METTL5: variants seen among roughly 807,000 people sequenced by gnomAD.
The protein encoded by METTL5 is rRNA N(6)-adenosine-methyltransferase METTL5.
Under a neutral mutation model 26.5 loss-of-function variants are expected in METTL5, and 28 were observed. The ratio of observed to expected loss-of-function variants is 1.06; its 90% CI spans 0.78 to 1.45. The LOEUF (loss-of-function observed/expected upper bound fraction) is 1.45, where lower values mean the gene tolerates loss of function less well. Ranked by LOEUF, METTL5 falls within the 40% of genes most tolerant of loss-of-function variation. The pLI is 0.00. For missense variants in METTL5, 231 were observed against 249.9 expected (o/e 0.92, Z 0.51); for synonymous variants, 86 against 82.6 (o/e 1.04, Z -0.22).
chr2:169,812,658 T>G, intron 5 of METTL5, 152 bp from the exon 6 acceptor site: 1 of 759,444 alleles, frequency 1.3e-6, no homozygotes, highest in Non-Finnish European at 2.0e-6. Flanking sequence ...TAGTGACTTC[T>G]GTATTCCTAG....
chr2:169,824,818 C>A lies in METTL5; in HGVS notation c.-221G>T. On this transcript the variant is annotated 5_prime_UTR_variant, in exon 1 of 7. Transcript: ENST00000260953. ...CCCAAGCCGCCCCAGGAGACGGCGG[C>A]GGCGCACTGCTGGAGCAGCCTCAGG... The A allele has an allele frequency of 2.2e-6, 1 of 459,124 alleles. No individual in the cohort carries two copies. The highest frequency in any genetic ancestry group is 3.7e-5 in the East Asian group (1 of 26,840). 28.4% of individuals were successfully genotyped at this position (459,124 alleles called of 1,614,324 possible). A position where few individuals can be genotyped will look rare whatever the true frequency, so the allele number is the denominator to read the frequency against.
intron 3 of METTL5, among the ~76,000 whole-genome samples, chr2:169,820,027 A>G (rs1426935485): frequency 6.6e-6 from 1 of 151,120 alleles, no homozygotes; most frequent in Non-Finnish European, 1.5e-5. Flanking sequence ...GCATGATCTC[A>G]GCTCACCGCA....
intron 6 of METTL5, 167 bp from the exon 7 acceptor site, chr2:169,812,025 A>T: frequency 1.3e-6 from 1 of 747,040 alleles, no homozygotes; most frequent in African/African-American, 1.8e-5. Context: ...ATTAGTACAA[A>T]CTAACTAATA....
chr2:169,815,581 A>T (rs2081495653), intron 4 of METTL5, 53 bp from the exon 5 acceptor site: 1 of 1,390,990 alleles, frequency 7.2e-7, no homozygotes. Context: ...ATGATTTTTT[A>T]AAATTGCTTT....
At chr2:169,821,844 C>CT (rs1327675453) in intron 2 of METTL5, 99 bp downstream of exon 2, 9 of 1,087,204 alleles carry the variant, frequency 8.3e-6, no homozygotes, top group African/African-American at 4.7e-5. Flanking sequence ...CTCCCTATAT[C>CT]TCATTCTGTG....
intron 3 of METTL5, 28 bp from the exon 4 acceptor site, chr2:169,819,671 T>C (rs1387854679): frequency 2.7e-6 from 4 of 1,486,048 alleles, no homozygotes; most frequent in Admixed American, 1.8e-5. Context: ...AAAGCTCCTA[T>C]TTACCTCTTC....
chr2:169,824,744 C>T lies in METTL5; in HGVS notation c.-147G>A. 6.3e-6 allele frequency: 4 copies of T among 631,502 alleles called. No individual in the cohort carries two copies. Among genetic ancestry groups the T allele is most frequent in the Non-Finnish European group, 1.1e-5 (4 of 360,344 alleles). 39.1% of individuals were successfully genotyped at this position (631,502 alleles called of 1,614,324 possible). A position where few individuals can be genotyped will look rare whatever the true frequency, so the allele number is the denominator to read the frequency against. Reference sequence around the variant, plus strand: ...GACCCGAAGACGCGCCCTAAGGAGACGCCCGGACGCAGGGCACGGGGCGAG... The same window carrying T: ...GACCCGAAGACGCGCCCTAAGGAGATGCCCGGACGCAGGGCACGGGGCGAG... On this transcript the variant is annotated 5_prime_UTR_variant, in exon 1 of 7. Coordinates refer to ENST00000260953, the MANE Select transcript of METTL5 (RefSeq NM_014168.4).
chr2:169,821,397 A>G (rs2081583134), intron 2 of METTL5, 124 bp from the exon 3 acceptor site: 1 of 682,394 alleles, frequency 1.5e-6, no homozygotes, highest in Non-Finnish European at 2.4e-6. Flanking sequence ...AGTAAGAGTG[A>G]GTGTTTTCTT....
chr2:169,817,062 A>C (rs553197744), intron 4 of METTL5, among the ~76,000 whole-genome samples: 3 of 152,230 alleles, frequency 2.0e-5, no homozygotes, highest in Non-Finnish European at 4.4e-5. Context: ...TAATATCCAG[A>C]ATCTATAAAC....
intron 3 of METTL5, among the ~76,000 whole-genome samples, chr2:169,819,980 T>G (rs979976825): frequency 1.3e-5 from 2 of 150,622 alleles, no homozygotes; most frequent in Admixed American, 6.6e-5. Flanking sequence ...CTTTTTTTTT[T>G]TTGTTTCGCT....
chr2:169,821,264 A>C lies in METTL5; in HGVS notation c.234T>G (p.Val78=), dbSNP rs2105721766. The change falls in exon 3 of 7, where the codon GTT becomes GTG. Residue 78 remains valine (V), a synonymous_variant. Transcript: ENST00000260953. Reference sequence around the variant, plus strand: ...ATGCGTCTTCATCTATGTCAAATCCAACACACAACCTATAAATACAAAACA... The same window carrying C: ...ATGCGTCTTCATCTATGTCAAATCCCACACACAACCTATAAATACAAAACA... ...GTAMLGAGLC[V]GFDIDEDALE... The C allele has an allele frequency of 1.2e-6, 2 of 1,604,582 alleles. No individual in the cohort carries two copies. The highest frequency in any genetic ancestry group is 4.5e-5 in the East Asian group (2 of 44,586).
At chr2:169,821,004 A>C in intron 3 of METTL5, 88 bp downstream of exon 3, 8 of 1,108,516 alleles carry the variant, frequency 7.2e-6, no homozygotes, top group Non-Finnish European at 1.0e-5. Context: ...CACTGGCATT[A>C]CACGCCTGAG....
At position 169,822,011 on chromosome 2, in the gene METTL5, A is replaced by G; in HGVS notation, c.156T>C (p.Asn52=). The G allele has an allele frequency of 6.2e-7, 1 of 1,613,292 alleles. No individual in the cohort carries two copies. Among genetic ancestry groups the G allele is most frequent in the Non-Finnish European group, 8.5e-7 (1 of 1,179,998 alleles). The change falls in exon 2 of 7, where the codon AAT becomes AAC. Residue 52 remains asparagine (N), a synonymous_variant. Coordinates refer to ENST00000260953, the MANE Select transcript of METTL5 (RefSeq NM_014168.4). The part of the protein sequence containing the change: ...TIHNTYDDIE[N]KVVADLGCGC... ...CACATCCTAGATCTGCAACGACTTTATTTTCAATGTCATCATAAGTGTTAT... is the reference window on the plus strand; with the variant it reads ...CACATCCTAGATCTGCAACGACTTTGTTTTCAATGTCATCATAAGTGTTAT...
intron 4 of METTL5, among the ~76,000 whole-genome samples, chr2:169,816,518 G>A (rs2081507756): frequency 6.6e-6 from 1 of 152,162 alleles, no homozygotes; most frequent in African/African-American, 2.4e-5. Context: ...AACAAAGCTG[G>A]AAGCACCATG....
chr2:169,821,530 C>T (rs1023134953), intron 2 of METTL5, among the ~76,000 whole-genome samples: 1 of 151,960 alleles, frequency 6.6e-6, no homozygotes, highest in South Asian at 2.1e-4. Context: ...GGACCACAGG[C>T]GCACACCACC....
At chr2:169,815,375 A>G (rs922035967) in intron 5 of METTL5, 102 bp downstream of exon 5, 6 of 755,954 alleles carry the variant, frequency 7.9e-6, no homozygotes, top group Admixed American at 2.6e-5. Context: ...ACATTTTGCC[A>G]CACTGTAAAG....
intron 5 of METTL5, 39 bp downstream of exon 5, chr2:169,815,438 G>A (rs1416164567): frequency 1.3e-6 from 2 of 1,483,126 alleles, no homozygotes; most frequent in Non-Finnish European, 1.9e-6. Context: ...GCGAATACAT[G>A]TTGGCCCTTT....
At chr2:169,821,323 AAAAAC>A in intron 2 of METTL5, 50 bp from the exon 3 acceptor site, 5 of 1,375,588 alleles carry the variant, frequency 3.6e-6, no homozygotes, top group Non-Finnish European at 4.8e-6. Context: ...GCTCCCAAGT[AAAAAC>A]AAAACCAAAA....
In METTL5 at chr2:169,814,468, CA is replaced by C. The variant is rs572823948; in HGVS notation, c.541+1008del. Among the ~76,000 whole-genome samples, 17 of 57,556 alleles carry C rather than the reference CA, an allele frequency of 3.0e-4. 1 individual carries two copies. The highest frequency in any genetic ancestry group is 1.3e-3 in the Admixed American group (4 of 3,092). 37.8% of individuals were successfully genotyped at this position (57,556 alleles called of 152,430 possible). On this transcript the variant is annotated intron_variant, in intron 5 of 6. Transcript: ENST00000260953. ...TGGGTAACAGAGCAAGGCTTTGTCTCAAAAAAAAAAAAAGAAAAAAGAAAAT... is the reference window on the plus strand; with the variant it reads ...TGGGTAACAGAGCAAGGCTTTGTCTCAAAAAAAAAAAAGAAAAAAGAAAAT...
Sources: gnomAD v4.1 joint callset for allele counts (sites outside exome capture counted in the v4.1 genomes callset) on GRCh38, gnomAD v4.1.1 for gene constraint, MANE v1.5 for transcripts, NCBI Gene and HGNC (gene_info 2026-07-23, HGNC 2026-07-21) for gene names.